The following NOS2 variants were observed in gnomAD, a reference collection of about 807,000 sequenced individuals.
NOS2 encodes the protein nitric oxide synthase, inducible.
A neutral mutation model predicts 136.0 loss-of-function variants in NOS2; 96 were observed. The observed-to-expected ratio is 0.71, with a 90% CI of 0.60 to 0.84. The LOEUF (loss-of-function observed/expected upper bound fraction) is 0.84, where lower values mean the gene tolerates loss of function less well. NOS2 is among the 40% of genes least tolerant of loss of function. NOS2 has a pLI of 0.00. For synonymous variants in NOS2, 539 were observed against 587.5 expected (o/e 0.92, Z 1.20); for missense variants, 1,237 against 1,496.9 (o/e 0.83, Z 2.87).
At chr17:27,767,926 G>A in intron 17 of NOS2, 89 bp from the exon 18 acceptor site, 1 of 1,533,682 alleles carries the variant, frequency 6.5e-7, no homozygotes, top group Non-Finnish European at 8.9e-7. Flanking sequence ...CCCTTACCAT[G>A]GGCCAAACAC....
At chr17:27,773,016 C>G (rs1214465157) in intron 13 of NOS2, 145 bp downstream of exon 13, 1 of 743,262 alleles carries the variant, frequency 1.3e-6, no homozygotes, top group East Asian at 2.5e-5. Flanking sequence ...GCCTGGGTGA[C>G]AGAGTAAGAC....
intron 15 of NOS2, 143 bp from the exon 16 acceptor site, chr17:27,769,727 G>A (rs1908429614): frequency 1.4e-6 from 1 of 701,476 alleles, no homozygotes; most frequent in African/African-American, 1.8e-5. Flanking sequence ...GGGGCTACCT[G>A]GCCAAGGACC....
At chr17:27,769,669 G>T in intron 15 of NOS2, 85 bp from the exon 16 acceptor site, 1 of 1,198,306 alleles carries the variant, frequency 8.3e-7, no homozygotes, top group Non-Finnish European at 1.2e-6. Context: ...CCTGGCCACA[G>T]CTTGCAGGAG....
intron 4 of NOS2, among the ~76,000 whole-genome samples, chr17:27,788,515 T>C (rs1403115332): frequency 6.6e-6 from 1 of 152,220 alleles, no homozygotes; most frequent in Non-Finnish European, 1.5e-5. Flanking sequence ...AGCAGTTCTG[T>C]TAGAAAATTC....
intron 12 of NOS2, 61 bp from the exon 13 acceptor site, chr17:27,773,304 A>G: frequency 8.5e-7 from 1 of 1,175,240 alleles, no homozygotes; most frequent in Non-Finnish European, 1.3e-6. Context: ...CAGCTCGCGG[A>G]TGCTGGAGTG....
In NOS2 at chr17:27,782,098, A is replaced by G; in HGVS notation, c.639T>C (p.Asp213=). The G allele has an allele frequency of 1.2e-6, 2 of 1,614,068 alleles. No homozygotes were observed. The highest frequency in any genetic ancestry group is 1.7e-6 in the Non-Finnish European group (2 of 1,179,992). Residue 213 remains aspartate (D), a synonymous_variant, in exon 7 of 27, where the codon GAT becomes GAC. Transcript: ENST00000313735. Reference sequence around the variant, plus strand: ...CCCGGGCAGTGGAACAGCTGCGGGCATCGAAGACCTGCAACAGCCCATCCA... The same window carrying G: ...CCCGGGCAGTGGAACAGCTGCGGGCGTCGAAGACCTGCAACAGCCCATCCA... ...RIQWSNLQVF[D]ARSCSTAREM...
rs1909131307 is a variant in NOS2, at chr17:27,789,643, C to T, written c.156G>A (p.Gln52=). The change falls in exon 3 of 27, where the codon CAG becomes CAA. Residue 52 remains glutamine (Q), a synonymous_variant. Coordinates refer to ENST00000313735, the MANE Select transcript of NOS2 (RefSeq NM_000625.4). ...CGAGGGGCTGCGGGGACTCATTCTG[C>T]TGCTTGCTGAGGTTGTGATACTGAA... is the stretch of plus-strand genomic sequence containing the variant. ...DDLQYHNLSK[Q]QNESPQPLVE... is the part of the protein sequence containing the mutation. The T allele has an allele frequency of 1.2e-6, 2 of 1,614,098 alleles. No homozygotes were observed. The highest frequency in any genetic ancestry group is 1.1e-5 in the South Asian group (1 of 91,074).
chr17:27,760,472 C>T (rs903245786), intron 24 of NOS2, 151 bp downstream of exon 24: 1 of 1,046,920 alleles, frequency 9.6e-7, no homozygotes, highest in African/African-American at 1.6e-5. Context: ...GAAAGGCAGC[C>T]ATTCTAACCC....
chr17:27,798,690 G>A lies in NOS2; in HGVS notation c.110+10C>T, dbSNP rs2142533581. 4 of 1,586,234 alleles carry A rather than the reference G, an allele frequency of 2.5e-6. No individual in the cohort carries two copies. The highest frequency in any genetic ancestry group is 3.5e-6 in the Non-Finnish European group (4 of 1,154,498). ...GAGACAAGCAGGAGGTTCCCCCAGG[G>A]AAAACTCACCTGGAGGTGGCACAGG... On this transcript the variant is annotated intron_variant, in intron 2 of 26. Transcript: ENST00000313735.
intron 6 of NOS2, 113 bp downstream of exon 6, chr17:27,782,831 C>T: frequency 9.7e-7 from 1 of 1,028,492 alleles, no homozygotes; most frequent in South Asian, 1.6e-5. Flanking sequence ...GGATCCAGGG[C>T]CATGGCTTCA....
intron 12 of NOS2, among the ~76,000 whole-genome samples, chr17:27,773,684 G>T (rs1908571499): frequency 6.6e-6 from 1 of 152,150 alleles, no homozygotes; most frequent in African/African-American, 2.4e-5. Context: ...TCTTCCTTTA[G>T]ATGAAGGAAG....
intron 18 of NOS2, 41 bp downstream of exon 18, chr17:27,767,664 C>A: frequency 6.2e-7 from 1 of 1,606,856 alleles, no homozygotes; most frequent in Non-Finnish European, 8.5e-7. Flanking sequence ...GGCTCAGACC[C>A]CAACACAAAC....
At chr17:27,789,970 C>T (rs1909142540) in intron 2 of NOS2, among the ~76,000 whole-genome samples, 1 of 152,232 alleles carries the variant, frequency 6.6e-6, no homozygotes, top group African/African-American at 2.4e-5. Flanking sequence ...CTCCTTCACC[C>T]TCTGGAAAAG....
At chr17:27,780,730 G>A in intron 9 of NOS2, 37 bp downstream of exon 9, 1 of 1,613,816 alleles carries the variant, frequency 6.2e-7, no homozygotes, top group Non-Finnish European at 8.5e-7. Context: ...GCTGTGTGTT[G>A]ACTCGCCCTT....
At chr17:27,769,688 C>G in intron 15 of NOS2, 104 bp from the exon 16 acceptor site, 1 of 968,696 alleles carries the variant, frequency 1.0e-6, no homozygotes, top group Non-Finnish European at 1.7e-6. Context: ...AGAAGGCTCA[C>G]AGCCCACCAC....
chr17:27,764,668 G>T (rs1252553601), intron 20 of NOS2, among the ~76,000 whole-genome samples: 1 of 152,224 alleles, frequency 6.6e-6, no homozygotes, highest in Non-Finnish European at 1.5e-5. Flanking sequence ...CTTCTGAGGT[G>T]ACTGAAGCCT....
At chr17:27,781,263 C>T in intron 7 of NOS2, 86 bp from the exon 8 acceptor site, 6 of 1,430,940 alleles carry the variant, frequency 4.2e-6, no homozygotes, top group Non-Finnish European at 5.7e-6. Context: ...CCCTCTCCAC[C>T]CTACCTGCTC....
chr17:27,776,795 C>T (rs943621316), intron 11 of NOS2, among the ~76,000 whole-genome samples: 1 of 151,572 alleles, frequency 6.6e-6, no homozygotes, highest in African/African-American at 2.4e-5. Context: ...TGCAGCTAAA[C>T]ATTTTGCATG....
chr17:27,758,409 G>A (rs1907998245), intron 26 of NOS2, among the ~76,000 whole-genome samples: 1 of 152,170 alleles, frequency 6.6e-6, no homozygotes, highest in African/African-American at 2.4e-5. Flanking sequence ...CCCAGTGTAA[G>A]CCCTTGATAA....
Sources: allele counts gnomAD v4.1 joint callset (sites outside exome capture counted in the v4.1 genomes callset), GRCh38; gene constraint gnomAD v4.1.1; transcripts MANE v1.5; gene names NCBI Gene and HGNC (gene_info 2026-07-23, HGNC 2026-07-21).